NKIRAS1: variants seen among roughly 807,000 people sequenced by gnomAD.
NKIRAS1 encodes NF-kappa-B inhibitor-interacting Ras-like protein 1.
In NKIRAS1, 16 loss-of-function variants were observed where a neutral mutation model predicts 19.8. The observed-to-expected ratio is 0.81, with a 90% CI of 0.55 to 1.23. The LOEUF (loss-of-function observed/expected upper bound fraction) is 1.23. NKIRAS1 is among the 50% of genes most tolerant of loss of function. NKIRAS1 has a pLI of 0.00. For missense variants in NKIRAS1, 184 were observed against 220.0 expected (o/e 0.84, Z 1.04); for synonymous variants, 88 against 79.0 (o/e 1.11, Z -0.61).
intron 3 of NKIRAS1, among the ~76,000 whole-genome samples, chr3:23,906,740 GAC>G (rs757344840): frequency 1.3e-4 from 19 of 151,678 alleles, no homozygotes; most frequent in African/African-American, 4.6e-4. Context: ...CAGTCTGGGA[GAC>G]ACAGATTTTA....
chr3:23,907,354 G>C (rs1040803801), intron 3 of NKIRAS1, among the ~76,000 whole-genome samples: 1 of 152,076 alleles, frequency 6.6e-6, no homozygotes, highest in Non-Finnish European at 1.5e-5. Flanking sequence ...TTAAGTTTCT[G>C]GGGGGACAAA....
At chr3:23,944,111 T>C (rs578085959) in intron 1 of NKIRAS1, among the ~76,000 whole-genome samples, 8 of 152,160 alleles carry the variant, frequency 5.3e-5, no homozygotes, top group Non-Finnish European at 1.2e-4. Flanking sequence ...TGAACATATT[T>C]TGAAGGTAGA....
chr3:23,916,375 C>T (rs1200238882), intron 1 of NKIRAS1: 1 of 152,208 alleles, frequency 6.6e-6, no homozygotes, highest in Non-Finnish European at 1.5e-5. Flanking sequence ...AACATTCACA[C>T]CTGCCAAACA....
intron 2 of NKIRAS1, 139 bp from the exon 3 acceptor site, chr3:23,911,060 T>C (rs867242968): frequency 1.2e-5 from 8 of 654,994 alleles, no homozygotes; most frequent in Middle Eastern, 4.0e-4. Flanking sequence ...TAGAATAAGG[T>C]ATAGCCTTCC....
intron 4 of NKIRAS1, among the ~76,000 whole-genome samples, chr3:23,894,758 G>T (rs1701814043): frequency 6.6e-6 from 1 of 152,020 alleles, no homozygotes. Flanking sequence ...TTGTCCCTCA[G>T]TGCTACCTCC....
chr3:23,920,678 G>A, upstream of NKIRAS1: 2 of 985,110 alleles, frequency 2.0e-6, no homozygotes, highest in African/African-American at 3.5e-5. Flanking sequence ...CTTCTCTAGG[G>A]GTTTCAAAAG....
chr3:23,920,572 G>A (rs1705023558), upstream of NKIRAS1: 1 of 985,256 alleles, frequency 1.0e-6, no homozygotes, highest in Non-Finnish European at 1.2e-6. Context: ...GGGTCAATTT[G>A]AGTGTAAAGA....
Position 23,893,055 on chromosome 3 carries a change from C to T in NKIRAS1, c.*40G>A. 6.6e-7 allele frequency: 1 copy of T among 1,508,752 alleles called. No homozygotes were observed. The highest frequency in any genetic ancestry group is 8.8e-7 in the Non-Finnish European group (1 of 1,130,424). The allele number at this position is 1,508,752 out of a possible 1,614,324, so 93.5% of individuals were successfully genotyped here. A position where few individuals can be genotyped will look rare whatever the true frequency, so the allele number is the denominator to read the frequency against. ...CTCCATGTTCACAGACACTTAAAGG[C>T]AATCACTATTCAACATACAATTGTG... On this transcript the variant is annotated 3_prime_UTR_variant, in exon 5 of 5. Transcript: ENST00000425478.
chr3:23,928,672 A>G (rs1705251312), intron 1 of NKIRAS1, among the ~76,000 whole-genome samples: 1 of 145,230 alleles, frequency 6.9e-6, no homozygotes, highest in Non-Finnish European at 1.5e-5. Flanking sequence ...CAGAAGCCTC[A>G]AAGTATGATT....
intron 1 of NKIRAS1, chr3:23,945,160 C>T (rs1705605587): frequency 7.3e-6 from 1 of 136,552 alleles, no homozygotes; most frequent in Admixed American, 7.3e-5. Context: ...AAAAGGGTAG[C>T]CGGGGAGCCG....
rs1226538254 is a variant in NKIRAS1, at chr3:23,929,766, T to C, written c.-140+16557A>G. On this transcript the variant is annotated intron_variant, in intron 1 of 4. Transcript: ENST00000421515. ...CTCTATGTTTCAATGTACTTAAAAT[T>C]TGTGGGATGCCCAGACTTCTTTAAC... Among the ~76,000 whole-genome samples, 4 of 152,254 alleles carry C rather than the reference T, an allele frequency of 2.6e-5. No individual in the cohort carries two copies. The South Asian group carries it at 6.2e-4, about 24-fold the overall frequency.
At chr3:23,894,741 G>A (rs1662422198) in intron 4 of NKIRAS1, among the ~76,000 whole-genome samples, 1 of 152,060 alleles carries the variant, frequency 6.6e-6, no homozygotes, top group African/African-American at 2.4e-5. Flanking sequence ...GGGGTAAGAT[G>A]TCCTCCTTGT....
At chr3:23,913,890 G>A (rs559214073) in intron 1 of NKIRAS1, among the ~76,000 whole-genome samples, 1 of 152,306 alleles carries the variant, frequency 6.6e-6, no homozygotes, top group East Asian at 1.9e-4. Flanking sequence ...TTTCAACACT[G>A]TGATGCCATG....
chr3:23,942,855 C>G (rs1705531730), intron 1 of NKIRAS1, among the ~76,000 whole-genome samples: 1 of 152,182 alleles, frequency 6.6e-6, no homozygotes, highest in South Asian at 2.1e-4. Flanking sequence ...TCAAGAGATG[C>G]TCCTGCATCA....
At chr3:23,919,143 TGCTGCTATAG>T (rs1704924811), upstream of NKIRAS1, 3 of 1,244,302 alleles carry the variant, frequency 2.4e-6, no homozygotes, top group Non-Finnish European at 3.5e-6. Context: ...CTTTCTGACT[TGCTGCTATAG>T]GCAATGTGGG....
At chr3:23,942,542 C>T (rs1208858879) in intron 1 of NKIRAS1, among the ~76,000 whole-genome samples, 1 of 152,186 alleles carries the variant, frequency 6.6e-6, no homozygotes, top group Non-Finnish European at 1.5e-5. Flanking sequence ...AGCGATTCTC[C>T]TGCTCCACCC....
rs1701591433 is a variant in NKIRAS1 at position 23,893,038 on chromosome 3, TCA to T, written c.*55_*56del. The T allele has an allele frequency of 6.7e-7, 1 of 1,483,756 alleles. No homozygotes were observed. Among genetic ancestry groups the T allele is most frequent in the Non-Finnish European group, 9.0e-7 (1 of 1,115,926 alleles). The allele number at this position is 1,483,756 out of a possible 1,614,324, so 91.9% of individuals were successfully genotyped here. On this transcript the variant is annotated 3_prime_UTR_variant, in exon 5 of 5. Coordinates refer to ENST00000425478, the MANE Select transcript of NKIRAS1 (RefSeq NM_020345.4). ...TTTAAATAGTAATATTACTCCATGTTCACAGACACTTAAAGGCAATCACTATT... is the reference window on the plus strand; with the variant it reads ...TTTAAATAGTAATATTACTCCATGTTCAGACACTTAAAGGCAATCACTATT...
Position 23,927,171 on chromosome 3 carries a change from GAAAAT to G in NKIRAS1, c.-139-15726_-139-15722del, listed in dbSNP as rs1705226584. ...TATTTTTATATAAGAAAAATAAACT[GAAAAT>G]AAAGCCTTTTAGTATAAAATGCTGC... On this transcript the variant is annotated intron_variant, in intron 1 of 4. Coordinates refer to the NKIRAS1 transcript ENST00000421515. This position sits in a 1 kb window ranked among gnomAD's most constrained non-coding sequence, Gnocchi z 4.0. 6.6e-6 allele frequency among the ~76,000 whole-genome samples: 1 copy of G among 152,150 alleles called. No individual in the cohort carries two copies. Among genetic ancestry groups the G allele is most frequent in the African/African-American group, 2.4e-5 (1 of 41,432 alleles).
rs936511126 is a variant in NKIRAS1 at position 23,927,255 on chromosome 3, C to T, written c.-139-15805G>A. Among the ~76,000 whole-genome samples, 2 of 152,156 alleles carry T rather than the reference C, an allele frequency of 1.3e-5. No homozygotes were observed. The highest frequency in any genetic ancestry group is 4.8e-5 in the African/African-American group (2 of 41,428). ...TGCTGCAAGGCTGAGTGCAGTGGCT[C>T]ACGTCTGTAATCCCAGCACTTTGGG... On this transcript the variant is annotated intron_variant, in intron 1 of 4. Coordinates refer to the NKIRAS1 transcript ENST00000421515. The surrounding 1 kb of genome is among the most constrained non-coding windows in gnomAD (Gnocchi z 4.0).
Sources: gnomAD v4.1 joint callset for allele counts (sites outside exome capture counted in the v4.1 genomes callset) on GRCh38, gnomAD v4.1.1 for gene constraint, Gnocchi (gnomAD v3.1) non-coding constraint, MANE v1.5 for transcripts, NCBI Gene and HGNC (gene_info 2026-07-23, HGNC 2026-07-21) for gene names.